RBFOX1: variants seen among roughly 807,000 people sequenced by gnomAD.
The protein encoded by RBFOX1 is RNA binding fox-1 homolog 1.
RBFOX1 carries 8 observed loss-of-function variants against 57.7 expected under a neutral mutation model. That is an observed-to-expected ratio of 0.14 (90% CI 0.08 to 0.25). The LOEUF (loss-of-function observed/expected upper bound fraction) is 0.25. Among genes scored for constraint, RBFOX1 ranks in the 10% least tolerant of loss-of-function variants. RBFOX1 has a pLI of 1.00. For missense variants in RBFOX1, 611 were observed against 548.5 expected, an observed-to-expected ratio of 1.11 and a Z score of -1.14; for synonymous variants, 326 against 222.4, an observed-to-expected ratio of 1.47 and a Z score of -4.15.
At chr16:6,274,242 G>A (rs2075548108) in intron 1 of RBFOX1, among the ~76,000 whole-genome samples, 1 of 152,130 alleles carries the variant, frequency 6.6e-6, no homozygotes, top group South Asian at 2.1e-4. Context: ...CACAAAACCT[G>A]TTCACCAATG....
chr16:7,021,912 CTTTTCTTTCTTTCTTTA>C (rs1443317983), intron 3 of RBFOX1, among the ~76,000 whole-genome samples: 61 of 148,796 alleles, frequency 4.1e-4, no homozygotes, highest in Admixed American at 1.3e-3. Flanking sequence ...TTCTTTCTTT[CTTTTCTTTCTTTCTTTA>C]TTTTCTTTTC....
chr16:7,563,374 G>C (rs140259633), intron 5 of RBFOX1, among the ~76,000 whole-genome samples: 2 of 152,316 alleles, frequency 1.3e-5, no homozygotes, highest in African/African-American at 4.8e-5. Context: ...ACACAGATAG[G>C]AAGCAGTGAA....
chr16:6,677,635 A>G (rs2057961835), intron 3 of RBFOX1, among the ~76,000 whole-genome samples: 1 of 152,186 alleles, frequency 6.6e-6, no homozygotes, highest in Non-Finnish European at 1.5e-5. Context: ...TTAAAAGTAT[A>G]TTTTTGATTA....
chr16:7,417,626 A>C (rs182319224), intron 4 of RBFOX1, among the ~76,000 whole-genome samples: 3 of 152,096 alleles, frequency 2.0e-5, no homozygotes, highest in Admixed American at 1.3e-4. Flanking sequence ...AACATACATC[A>C]TAGCTCCATC....
chr16:6,888,465 C>T (rs548591953), intron 3 of RBFOX1, among the ~76,000 whole-genome samples: 1 of 152,136 alleles, frequency 6.6e-6, no homozygotes, highest in Non-Finnish European at 1.5e-5. Flanking sequence ...TCTTGGGTTT[C>T]ATTTTCGGTT....
intron 3 of RBFOX1, among the ~76,000 whole-genome samples, chr16:6,848,722 C>T (rs1042206816): frequency 3.3e-5 from 5 of 152,012 alleles, no homozygotes; most frequent in Non-Finnish European, 5.9e-5. Flanking sequence ...GATGGATAAT[C>T]TTTAACGTTC....
chr16:7,125,259 T>C (rs1003901040), intron 4 of RBFOX1, among the ~76,000 whole-genome samples: 2 of 152,162 alleles, frequency 1.3e-5, no homozygotes, highest in African/African-American at 4.8e-5. Flanking sequence ...GGGTTGTCGT[T>C]CAGCCTTTCT....
At chr16:6,604,804 T>C (rs895276241) in intron 2 of RBFOX1, among the ~76,000 whole-genome samples, 1 of 152,110 alleles carries the variant, frequency 6.6e-6, no homozygotes, top group Non-Finnish European at 1.5e-5. Flanking sequence ...TAATTGGTGC[T>C]TGAGATTGAT....
At chr16:7,060,158 C>T (rs1358800430) in intron 4 of RBFOX1, among the ~76,000 whole-genome samples, 2 of 152,078 alleles carry the variant, frequency 1.3e-5, no homozygotes, top group Admixed American at 1.3e-4. Context: ...ATTTTAGGAC[C>T]TGAAGGCCAT....
At chr16:6,839,349 C>G (rs772253118) in intron 3 of RBFOX1, among the ~76,000 whole-genome samples, 1 of 152,226 alleles carries the variant, frequency 6.6e-6, no homozygotes, top group African/African-American at 2.4e-5. Flanking sequence ...ATTAACCCCA[C>G]TGACTCCATC....
At chr16:6,271,498 C>G (rs2075215700) in intron 1 of RBFOX1, among the ~76,000 whole-genome samples, 2 of 152,024 alleles carry the variant, frequency 1.3e-5, no homozygotes, top group Non-Finnish European at 2.9e-5. Flanking sequence ...AACAGTAAAA[C>G]AATAGAGGAA....
intron 3 of RBFOX1, among the ~76,000 whole-genome samples, chr16:6,750,351 C>G (rs1363412159): frequency 6.6e-6 from 1 of 152,106 alleles, no homozygotes; most frequent in African/African-American, 2.4e-5. Flanking sequence ...TGATAGATGC[C>G]TTATTATGGT....
intron 4 of RBFOX1, among the ~76,000 whole-genome samples, chr16:5,869,977 T>C (rs2057428825): frequency 6.6e-6 from 1 of 151,962 alleles, no homozygotes; most frequent in Non-Finnish European, 1.5e-5. Context: ...TGCAATGAAA[T>C]ACAATACAGC....
intron 3 of RBFOX1, among the ~76,000 whole-genome samples, chr16:6,710,137 GA>G (rs2063468643): frequency 6.6e-6 from 1 of 152,114 alleles, no homozygotes; most frequent in Non-Finnish European, 1.5e-5. Context: ...GGACTGAGGG[GA>G]GTCCAAATCC....
chr16:7,659,425 C>A (rs1187053478), intron 12 of RBFOX1, among the ~76,000 whole-genome samples: 1 of 152,256 alleles, frequency 6.6e-6, no homozygotes, highest in East Asian at 1.9e-4. Flanking sequence ...TGCTTAGGAA[C>A]TGTATTTAGT....
intron 9 of RBFOX1, among the ~76,000 whole-genome samples, chr16:7,605,297 GT>G (rs2095241872): frequency 6.6e-6 from 1 of 152,152 alleles, no homozygotes; most frequent in Non-Finnish European, 1.5e-5. Context: ...AAGGCAAGAT[GT>G]GATTAATACA....
At chr16:7,623,167 G>T (rs1170202371) in intron 10 of RBFOX1, among the ~76,000 whole-genome samples, 1 of 152,148 alleles carries the variant, frequency 6.6e-6, no homozygotes, top group Non-Finnish European at 1.5e-5. Flanking sequence ...CCATAGCAAA[G>T]TATCACAGAC....
chr16:5,703,819 A>G (rs2051140287), intron 3 of RBFOX1, among the ~76,000 whole-genome samples: 1 of 152,170 alleles, frequency 6.6e-6, no homozygotes, highest in African/African-American at 2.4e-5. Context: ...TTAATATGCA[A>G]CCCATGATGT....
rs546963865 is a variant in RBFOX1 at position 5,291,819 on chromosome 16, C to T, written c.219+51714C>T. ...AGAAGGATTTAGGAGGTAAAACCCACGTGACTTGGTCACTGAATGTGGGTT... is the reference window on the plus strand; with the variant it reads ...AGAAGGATTTAGGAGGTAAAACCCATGTGACTTGGTCACTGAATGTGGGTT... On this transcript the variant is annotated intron_variant, in intron 1 of 2. Transcript: ENST00000585867. 1.5e-4 allele frequency among the ~76,000 whole-genome samples: 23 copies of T among 152,116 alleles called. 1 individual carries two copies. In the South Asian group the frequency reaches 1.9e-3, roughly 12 times the overall value.
Sources: allele counts gnomAD v4.1 joint callset (sites outside exome capture counted in the v4.1 genomes callset), GRCh38; gene constraint gnomAD v4.1.1; transcripts MANE v1.5; gene names NCBI Gene and HGNC (gene_info 2026-07-23, HGNC 2026-07-21).